GRK3: variants seen among roughly 807,000 people sequenced by gnomAD.
GRK3 encodes the protein adrenergic, beta, receptor kinase 2.
A neutral mutation model predicts 95.7 loss-of-function variants in GRK3; 54 were observed. The ratio of observed to expected loss-of-function variants is 0.56; its 90% CI spans 0.45 to 0.71. The LOEUF is 0.71. GRK3 is among the 30% of genes least tolerant of loss of function. The pLI, the probability that GRK3 is intolerant of heterozygous loss-of-function variation, is 0.00. For synonymous variants in GRK3, 281 were observed against 290.8 expected, an observed-to-expected ratio of 0.97 and a Z score of 0.34; for missense variants, 649 against 851.2, an observed-to-expected ratio of 0.76 and a Z score of 2.96.
intron 1 of GRK3, among the ~76,000 whole-genome samples, chr22:25,603,638 A>G (rs1324380587): frequency 2.0e-5 from 3 of 152,170 alleles, no homozygotes; most frequent in Non-Finnish European, 4.4e-5. Context: ...TCTATGTTCT[A>G]TGAAAAACCC....
chr22:25,588,032 G>C (rs113110109), intron 1 of GRK3, among the ~76,000 whole-genome samples: 6,279 of 150,214 alleles, frequency 0.042, 241 homozygotes, highest in African/African-American at 0.1. Flanking sequence ...CTCCTGAGCT[G>C]AAGCGATCCA....
At chr22:25,664,049 T>C (rs1371291000) in intron 5 of GRK3, among the ~76,000 whole-genome samples, 1 of 152,220 alleles carries the variant, frequency 6.6e-6, no homozygotes, top group African/African-American at 2.4e-5. Flanking sequence ...CAAGATTTAT[T>C]TTGTAGTGCC....
intron 1 of GRK3, among the ~76,000 whole-genome samples, chr22:25,574,381 A>G (rs1288295862): frequency 6.6e-6 from 1 of 151,996 alleles, no homozygotes; most frequent in Non-Finnish European, 1.5e-5. Context: ...AACTCCAGCT[A>G]CTCAGGAAGC....
intron 2 of GRK3, among the ~76,000 whole-genome samples, chr22:25,623,101 G>A (rs917674932): frequency 1.3e-5 from 2 of 152,036 alleles, no homozygotes; most frequent in Non-Finnish European, 2.9e-5. Flanking sequence ...GCCACCACAT[G>A]TGGCTAATTT....
chr22:25,664,570 G>A (rs899286645), intron 5 of GRK3, among the ~76,000 whole-genome samples: 20 of 147,998 alleles, frequency 1.4e-4, no homozygotes, highest in African/African-American at 4.8e-4. Context: ...GCCCAGGCTG[G>A]AGTGCAGTGG....
At chr22:25,597,723 C>T (rs565679051) in intron 1 of GRK3, among the ~76,000 whole-genome samples, 3 of 152,004 alleles carry the variant, frequency 2.0e-5, no homozygotes, top group East Asian at 1.9e-4. Context: ...GAAAGGCAGC[C>T]GGATTAAAAC....
intron 1 of GRK3, among the ~76,000 whole-genome samples, chr22:25,582,164 C>T (rs1932122032): frequency 6.6e-6 from 1 of 151,936 alleles, no homozygotes; most frequent in Admixed American, 6.6e-5. Flanking sequence ...GTAATCCCAG[C>T]TACTCAGGAG....
At chr22:25,625,254 A>G (rs1184581119) in intron 2 of GRK3, among the ~76,000 whole-genome samples, 4 of 152,216 alleles carry the variant, frequency 2.6e-5, no homozygotes. Context: ...TATGAATATC[A>G]TTAATCATTA....
intron 15 of GRK3, among the ~76,000 whole-genome samples, chr22:25,707,890 A>C (rs58562284): frequency 2.0e-5 from 3 of 152,034 alleles, no homozygotes; most frequent in East Asian, 3.9e-4. Flanking sequence ...TGTTTCTGGC[A>C]GTACGTCTAT....
At chr22:25,647,515 T>C in intron 3 of GRK3, 1 of 1,482,756 alleles carries the variant, frequency 6.7e-7, no homozygotes, top group Non-Finnish European at 9.4e-7. Context: ...GCCAAGTTCA[T>C]ATCCTGCTGG....
chr22:25,577,031 C>T (rs544010095), intron 1 of GRK3, among the ~76,000 whole-genome samples: 2 of 152,318 alleles, frequency 1.3e-5, no homozygotes, highest in South Asian at 4.1e-4. Context: ...AGCTACATGT[C>T]ATGAGTTCTT....
chr22:25,695,102 C>T lies in GRK3; in HGVS notation c.1053-5C>T, dbSNP rs1601532482. The T allele has an allele frequency of 1.9e-6, 3 of 1,611,080 alleles. No individual in the cohort carries two copies. Among genetic ancestry groups the T allele is most frequent in the Non-Finnish European group, 2.5e-6 (3 of 1,177,484 alleles). On this transcript the variant is annotated splice_polypyrimidine_tract_variant and splice_region_variant and intron_variant, in intron 12 of 20. Coordinates refer to ENST00000324198, the MANE Select transcript of GRK3 (RefSeq NM_005160.4). ...TGATAACTGTGTATACTTTCTTCTC[C>T]CTAGTGGCACCCATGGGTACATGGC... is the stretch of plus-strand genomic sequence containing the variant.
intron 5 of GRK3, among the ~76,000 whole-genome samples, chr22:25,665,071 G>C (rs767033420): frequency 8.5e-5 from 13 of 152,298 alleles, no homozygotes; most frequent in Non-Finnish European, 1.5e-4. Flanking sequence ...CCTTGGGTAA[G>C]CTCCTCCACC....
chr22:25,674,874 G>A (rs796215056), intron 8 of GRK3, among the ~76,000 whole-genome samples: 8 of 152,290 alleles, frequency 5.3e-5, no homozygotes, highest in African/African-American at 1.4e-4. Context: ...GCGTGAACCC[G>A]GGAGGCAGAG....
chr22:25,576,620 A>G (rs1011952376), intron 1 of GRK3, among the ~76,000 whole-genome samples: 13 of 152,234 alleles, frequency 8.5e-5, no homozygotes, highest in Non-Finnish European at 2.9e-5. Context: ...TTCAGGGAGA[A>G]GCTAATTGCT....
intron 13 of GRK3, among the ~76,000 whole-genome samples, chr22:25,701,737 C>T (rs1206039393): frequency 6.6e-6 from 1 of 151,906 alleles, no homozygotes; most frequent in Non-Finnish European, 1.5e-5. Flanking sequence ...TTTGTCAAAA[C>T]ACCAGGAGAT....
At chr22:25,667,918 A>G (rs2084953309) in intron 6 of GRK3, 118 bp downstream of exon 6, 2 of 620,118 alleles carry the variant, frequency 3.2e-6, no homozygotes, top group Non-Finnish European at 5.8e-6. Context: ...TTCACTGACC[A>G]TGTACGATGT....
intron 18 of GRK3, among the ~76,000 whole-genome samples, chr22:25,716,215 CCT>C (rs1313274200): frequency 7.9e-5 from 12 of 152,200 alleles, no homozygotes; most frequent in African/African-American, 2.6e-4. Flanking sequence ...GTCTTGAACT[CCT>C]GACCTCATGA....
Position 25,695,105 on chromosome 22 carries a change from A to C in GRK3, c.1053-2A>C. 1.9e-6 allele frequency: 3 copies of C among 1,611,216 alleles called. No individual in the cohort carries two copies. The highest frequency in any genetic ancestry group is 2.5e-6 in the Non-Finnish European group (3 of 1,177,622). ...TAACTGTGTATACTTTCTTCTCCCT[A>C]GTGGCACCCATGGGTACATGGCTCC... On this transcript the variant is annotated splice_acceptor_variant, in intron 12 of 20. Coordinates refer to ENST00000324198, the MANE Select transcript of GRK3 (RefSeq NM_005160.4). LOFTEE classifies it high-confidence loss of function.
Sources: gnomAD v4.1 joint callset for allele counts (sites outside exome capture counted in the v4.1 genomes callset) on GRCh38, gnomAD v4.1.1 for gene constraint, MANE v1.5 for transcripts, NCBI Gene and HGNC (gene_info 2026-07-23, HGNC 2026-07-21) for gene names.